DPP6: variants seen among roughly 807,000 people sequenced by gnomAD.
DPP6 encodes the protein dipeptidyl peptidase like 6, also known as A-type potassium channel modulatory protein DPP6.
Under a neutral mutation model 122.6 loss-of-function variants are expected in DPP6, and 69 were observed. That is an observed-to-expected ratio of 0.56 (90% CI 0.46 to 0.69). The LOEUF (loss-of-function observed/expected upper bound fraction) is 0.69. DPP6 is among the 30% of genes least tolerant of loss of function. The pLI is 0.00. For missense variants in DPP6, 928 were observed against 1,116.9 expected (o/e 0.83, Z 2.41); for synonymous variants, 418 against 433.1 (o/e 0.97, Z 0.43).
chr7:154,868,667 G>C (rs1335375608), intron 18 of DPP6, among the ~76,000 whole-genome samples: 1 of 152,188 alleles, frequency 6.6e-6, no homozygotes. Flanking sequence ...AAACACCCCA[G>C]AGCATTAGCT....
the DPP6 span, among the ~76,000 whole-genome samples, chr7:153,822,230 C>A: frequency 2.0e-3 from 280 of 137,336 alleles, 1 homozygote; most frequent in African/African-American, 4.5e-3. Flanking sequence ...CGCACTGTCC[C>A]CCAGGCTGGA....
intron 1 of DPP6, among the ~76,000 whole-genome samples, chr7:154,319,144 A>G (rs2151014080): frequency 6.6e-6 from 1 of 152,350 alleles, no homozygotes; most frequent in Middle Eastern, 3.4e-3. Flanking sequence ...GAACTTCTCC[A>G]ACAGTCTTAC....
At chr7:154,397,489 T>C (rs992632582) in intron 1 of DPP6, among the ~76,000 whole-genome samples, 9 of 152,214 alleles carry the variant, frequency 5.9e-5, no homozygotes, top group Admixed American at 1.3e-4. Flanking sequence ...GCAATGTCTT[T>C]GTTATGAAGT....
intron 1 of DPP6, among the ~76,000 whole-genome samples, chr7:154,276,081 G>T (rs554851703): frequency 6.6e-6 from 1 of 152,318 alleles, no homozygotes; most frequent in South Asian, 2.1e-4. Flanking sequence ...TCCAGGCTAC[G>T]CTGTGCATGA....
intron 3 of DPP6, among the ~76,000 whole-genome samples, chr7:154,476,593 C>T (rs1403294294): frequency 1.3e-5 from 2 of 152,164 alleles, no homozygotes; most frequent in African/African-American, 4.8e-5. Flanking sequence ...TCTCATCCTT[C>T]TCAAAGGATG....
chr7:154,101,476 C>G (rs1316077276), intron 1 of DPP6, among the ~76,000 whole-genome samples: 1 of 151,262 alleles, frequency 6.6e-6, no homozygotes, highest in Non-Finnish European at 1.5e-5. Context: ...GAAGAGTGAA[C>G]AAGGCAGGAC....
chr7:153,980,512 T>C (rs1796530077), intron 1 of DPP6, among the ~76,000 whole-genome samples: 1 of 152,202 alleles, frequency 6.6e-6, no homozygotes, highest in Non-Finnish European at 1.5e-5. Flanking sequence ...CTGGATTCAT[T>C]GATTTTTGAA....
chr7:154,722,700 G>T lies in DPP6; in HGVS notation c.763-5067G>T, dbSNP rs560064350. Reference sequence around the variant, plus strand: ...CAGGTGGGTGGGGTGAGGCCTTGGGGATGGTGCGTGGACTAATCCAGATAG... The same window carrying T: ...CAGGTGGGTGGGGTGAGGCCTTGGGTATGGTGCGTGGACTAATCCAGATAG... On this transcript the variant is annotated intron_variant, in intron 7 of 25. Transcript: ENST00000377770. Among the ~76,000 whole-genome samples the T allele has an allele frequency of 3.9e-5, 6 of 152,248 alleles. No homozygotes were observed. In the East Asian group the frequency reaches 1.2e-3, roughly 29 times the overall value.
intron 1 of DPP6, among the ~76,000 whole-genome samples, chr7:154,330,709 G>T (rs1189952286): frequency 3.3e-5 from 5 of 152,212 alleles, no homozygotes; most frequent in Admixed American, 3.3e-4. Context: ...GTGCACGTTG[G>T]TGTACACACC....
At chr7:154,149,868 C>T (rs903556048) in intron 1 of DPP6, among the ~76,000 whole-genome samples, 8 of 152,132 alleles carry the variant, frequency 5.3e-5, no homozygotes, top group Non-Finnish European at 1.0e-4. Flanking sequence ...CCCTCCCCCG[C>T]CCCCGGCATG....
At chr7:154,390,721 C>T (rs1814542973) in intron 1 of DPP6, among the ~76,000 whole-genome samples, 1 of 152,086 alleles carries the variant, frequency 6.6e-6, no homozygotes, top group Admixed American at 6.5e-5. Flanking sequence ...GCCATCGCCG[C>T]CGTCTTCTCT....
intron 1 of DPP6, among the ~76,000 whole-genome samples, chr7:154,252,919 AAG>A (rs1278032234): frequency 6.6e-6 from 1 of 152,242 alleles, no homozygotes; most frequent in African/African-American, 2.4e-5. Flanking sequence ...CTTGCTGTTT[AAG>A]AGAAGTCTAG....
intron 3 of DPP6, among the ~76,000 whole-genome samples, chr7:154,515,826 C>G (rs1477734741): frequency 6.6e-6 from 1 of 152,166 alleles, no homozygotes; most frequent in African/African-American, 2.4e-5. Flanking sequence ...AACCCCAAGT[C>G]TCTTCCAGCT....
chr7:154,506,082 G>A (rs763392228), intron 3 of DPP6, among the ~76,000 whole-genome samples: 1 of 151,920 alleles, frequency 6.6e-6, no homozygotes, highest in Admixed American at 6.6e-5. Context: ...AAGACTGTTG[G>A]AAGTCATTGT....
At chr7:154,013,328 G>A (rs1033830762) in intron 1 of DPP6, among the ~76,000 whole-genome samples, 5 of 152,056 alleles carry the variant, frequency 3.3e-5, no homozygotes, top group African/African-American at 9.7e-5. Context: ...TTAATCATTC[G>A]ATGTTAGATG....
chr7:154,589,008 A>T (rs28495804), intron 5 of DPP6, among the ~76,000 whole-genome samples: 10,296 of 152,166 alleles, frequency 0.068, 349 homozygotes, highest in Non-Finnish European at 0.075. Context: ...CATTTGCTTA[A>T]TTTTTATCTT....
At chr7:154,308,266 G>C (rs1466272182) in intron 1 of DPP6, among the ~76,000 whole-genome samples, 2 of 148,348 alleles carry the variant, frequency 1.3e-5, no homozygotes, top group Non-Finnish European at 3.0e-5. Context: ...AAAAAAAAAA[G>C]ATTTTACTAT....
chr7:154,749,054 T>G (rs1587012535), intron 8 of DPP6, among the ~76,000 whole-genome samples: 1 of 129,152 alleles, frequency 7.7e-6, no homozygotes. Flanking sequence ...TGAGAGAGGG[T>G]GAGGGAGCAT....
At chr7:154,735,526 T>C (rs1842532830) in intron 8 of DPP6, among the ~76,000 whole-genome samples, 1 of 152,134 alleles carries the variant, frequency 6.6e-6, no homozygotes, top group South Asian at 2.1e-4. Context: ...TGAGCAGGAG[T>C]CTGAATGCTT....
Sources: allele counts gnomAD v4.1 joint callset (sites outside exome capture counted in the v4.1 genomes callset), GRCh38; gene constraint gnomAD v4.1.1; transcripts MANE v1.5; gene names NCBI Gene and HGNC (gene_info 2026-07-23, HGNC 2026-07-21).